Variants in AK9 observed in about 807,000 individuals in gnomAD.
The protein encoded by AK9 is adenylate kinase 9, also known as adenylate kinase domain containing 1.
In AK9, 191 loss-of-function variants were observed where a neutral mutation model predicts 239.6. That is an observed-to-expected ratio of 0.80 (90% confidence interval 0.71 to 0.90). The LOEUF (loss-of-function observed/expected upper bound fraction) is 0.90. AK9 is among the 40% of genes least tolerant of loss of function. The probability of loss-of-function intolerance (pLI) is 0.00; values close to 1 mark genes in which losing one functional copy is unlikely to be tolerated. For synonymous variants in AK9, 689 were observed against 721.0 expected, an observed-to-expected ratio of 0.96 and a Z score of 0.71; for missense variants, 1,995 against 2,214.7, an observed-to-expected ratio of 0.90 and a Z score of 1.99.
chr6:109,514,523 G>T, intron 31 of AK9, 86 bp from the exon 32 acceptor site: 1 of 1,172,470 alleles, frequency 8.5e-7, no homozygotes, highest in Non-Finnish European at 1.2e-6. Flanking sequence ...AACAATTCGT[G>T]ACATAAGAAA....
At chr6:109,603,824 C>A (rs374927647) in intron 17 of AK9, among the ~76,000 whole-genome samples, 85 of 152,342 alleles carry the variant, frequency 5.6e-4, no homozygotes, top group African/African-American at 1.9e-3. Context: ...TCTCAGACTG[C>A]TGTGCTAGCA....
At chr6:109,680,821 T>G (rs2128351114) in intron 1 of AK9, among the ~76,000 whole-genome samples, 1 of 152,268 alleles carries the variant, frequency 6.6e-6, no homozygotes, top group East Asian at 1.9e-4. Flanking sequence ...AGAAAAGAAT[T>G]TTCAACGCAG....
intron 12 of AK9, among the ~76,000 whole-genome samples, chr6:109,626,357 T>C (rs1795527155): frequency 6.6e-6 from 1 of 152,336 alleles, no homozygotes; most frequent in African/African-American, 2.4e-5. Flanking sequence ...TCCTGTTTCT[T>C]TGCATGTCTT....
intron 25 of AK9, chr6:109,549,634 A>G (rs1784051699): frequency 6.6e-6 from 1 of 151,710 alleles, no homozygotes; most frequent in Admixed American, 6.6e-5. Context: ...GTTATATTCC[A>G]AAAAGTTGTT....
intron 18 of AK9, 39 bp downstream of exon 18, chr6:109,585,877 A>T (rs2128212680): frequency 6.6e-7 from 1 of 1,514,682 alleles, no homozygotes; most frequent in East Asian, 2.5e-5. Context: ...TCAATAACAA[A>T]ACTTCACTTT....
Position 109,614,291 on chromosome 6 carries a change from T to G in AK9, c.1501A>C (p.Ile501Leu). The change falls in exon 15 of 41, where the codon ATT becomes CTT. Residue 501 changes from isoleucine to leucine, a missense_variant. Coordinates refer to ENST00000424296, the MANE Select transcript of AK9 (RefSeq NM_001145128.3). Reference sequence around the variant, plus strand: ...CCTCTGTCCCTTTGGGAGCCTTGAATGTACCCTGCAATGAAAGAATAATAT... The same window carrying G: ...CCTCTGTCCCTTTGGGAGCCTTGAAGGTACCCTGCAATGAAAGAATAATAT... ...THSSIDEEGY[I>L]QGSQRDRGSS... 6.4e-7 allele frequency: 1 copy of G among 1,551,464 alleles called. No individual in the cohort carries two copies. The highest frequency in any genetic ancestry group is 8.7e-7 in the Non-Finnish European group (1 of 1,146,728).
At position 109,674,259 on chromosome 6, in the gene AK9, A is replaced by G; in HGVS notation, c.120T>C (p.Gly40=). 1 of 1,560,476 alleles carries G rather than the reference A, an allele frequency of 6.4e-7. No homozygotes were observed. Among genetic ancestry groups the G allele is most frequent in the Non-Finnish European group, 8.7e-7 (1 of 1,153,520 alleles). Residue 40 remains glycine, a splice_region_variant and synonymous_variant, in exon 3 of 41, where the codon GGT becomes GGC. Coordinates refer to ENST00000424296, the MANE Select transcript of AK9 (RefSeq NM_001145128.3). The stretch of plus-strand genomic sequence containing the variant: ...AACGGGCTAATGTTGTTTTCCCAAC[A>G]CCCTTAAAAAGAAAAATGTTATTTA... ...PVCFVVFGKP[G]VGKTTLARYI... is the part of the protein sequence containing the mutation.
At chr6:109,646,256 C>G (rs1479647724) in intron 8 of AK9, among the ~76,000 whole-genome samples, 1 of 152,116 alleles carries the variant, frequency 6.6e-6, no homozygotes, top group African/African-American at 2.4e-5. Context: ...GACAAGTTGA[C>G]AGAAGTAGGC....
At chr6:109,600,351 T>G (rs532865675) in intron 17 of AK9, among the ~76,000 whole-genome samples, 1 of 152,324 alleles carries the variant, frequency 6.6e-6, no homozygotes, top group South Asian at 2.1e-4. Flanking sequence ...GGTTTTTGTC[T>G]TTGGTTCTGT....
chr6:109,551,781 A>AAG (rs386359303), intron 24 of AK9, among the ~76,000 whole-genome samples: 6,941 of 147,984 alleles, frequency 0.047, 220 homozygotes, highest in Middle Eastern at 0.083. Context: ...AAAAAAAAAA[A>AAG]GGGGGGTACA....
chr6:109,645,919 C>T (rs1320241530), intron 8 of AK9, among the ~76,000 whole-genome samples: 4 of 152,222 alleles, frequency 2.6e-5, no homozygotes, highest in Non-Finnish European at 4.4e-5. Context: ...TGTTCTACAG[C>T]GTTCGCTGGT....
chr6:109,585,139 C>A lies in AK9; in HGVS notation c.2098G>T (p.Glu700Ter). 1.2e-6 allele frequency: 1 copy of A among 821,480 alleles called. No individual in the cohort carries two copies. Among genetic ancestry groups the A allele is most frequent in the Non-Finnish European group, 1.6e-6 (1 of 621,694 alleles). 50.9% of individuals were successfully genotyped at this position (821,480 alleles called of 1,614,324 possible). A position where few individuals can be genotyped will look rare whatever the true frequency, so the allele number is the denominator to read the frequency against. ...LLEELQKKKK[E>*]EEEARKATEE... ...AGATTTTACCTTGCTTCTTCTTCTTCTTTTTTTTTCTTTTGTAGTTCTTCT... is the reference window on the plus strand; with the variant it reads ...AGATTTTACCTTGCTTCTTCTTCTTATTTTTTTTTCTTTTGTAGTTCTTCT... The change falls in exon 19 of 41, where the codon GAA becomes TAA. Residue 700 changes from glutamate to a stop codon, truncating the protein, a stop_gained. Transcript: ENST00000424296. LOFTEE classifies it high-confidence loss of function.
intron 1 of AK9, among the ~76,000 whole-genome samples, chr6:109,685,077 C>G (rs945457990): frequency 2.0e-5 from 3 of 151,858 alleles, no homozygotes; most frequent in African/African-American, 4.8e-5. Context: ...AGTCAGGAAA[C>G]AACAGATGCT....
intron 17 of AK9, among the ~76,000 whole-genome samples, chr6:109,598,102 C>A (rs973374812): frequency 6.6e-6 from 1 of 151,978 alleles, no homozygotes; most frequent in Non-Finnish European, 1.5e-5. Flanking sequence ...ACTTTAAGTT[C>A]TAGGGTACAT....
intron 5 of AK9, among the ~76,000 whole-genome samples, chr6:109,667,011 C>T (rs1038221930): frequency 2.6e-5 from 4 of 152,280 alleles, no homozygotes; most frequent in Admixed American, 1.3e-4. Context: ...TAGGATGCCA[C>T]ATATTGACTC....
intron 12 of AK9, among the ~76,000 whole-genome samples, chr6:109,623,848 A>C (rs930215034): frequency 6.9e-6 from 1 of 145,754 alleles, no homozygotes; most frequent in Non-Finnish European, 1.5e-5. Context: ...ATGATGAACT[A>C]GTTAGGAATC....
At chr6:109,529,121 G>T in intron 28 of AK9, 48 bp from the exon 29 acceptor site, 1 of 1,513,898 alleles carries the variant, frequency 6.6e-7, no homozygotes. Flanking sequence ...AATGATAAAA[G>T]TGGCTTTCTC....
intron 19 of AK9, among the ~76,000 whole-genome samples, chr6:109,583,527 T>C (rs1178587974): frequency 6.6e-6 from 1 of 152,170 alleles, no homozygotes; most frequent in African/African-American, 2.4e-5. Context: ...TAAATTTTAT[T>C]TCTGAAGTAT....
intron 12 of AK9, among the ~76,000 whole-genome samples, chr6:109,624,210 T>C (rs902783750): frequency 5.3e-4 from 81 of 152,058 alleles, no homozygotes; most frequent in African/African-American, 1.8e-3. Context: ...CCAAACTGGA[T>C]TGGTTATTTT....
Sources: gnomAD v4.1 joint callset for allele counts (sites outside exome capture counted in the v4.1 genomes callset) on GRCh38, gnomAD v4.1.1 for gene constraint, MANE v1.5 for transcripts, NCBI Gene and HGNC (gene_info 2026-07-23, HGNC 2026-07-21) for gene names.